SMARCAD1: variants seen among roughly 807,000 people sequenced by gnomAD.
SMARCAD1 encodes the protein SNF2 related chromatin remodeling ATPase with DExD box 1, also known as SWI/SNF-related matrix-associated actin-dependent regulator of chromatin subfamily A containing DEAD/H box 1.
In SMARCAD1, 25 loss-of-function variants were observed where a neutral mutation model predicts 127.1. The ratio of observed to expected loss-of-function variants is 0.20; its 90% confidence interval spans 0.14 to 0.27. SMARCAD1 has a LOEUF of 0.27. Among genes scored for constraint, SMARCAD1 ranks in the 10% least tolerant of loss-of-function variants. The probability of loss-of-function intolerance (pLI) is 1.00; values close to 1 mark genes in which losing one functional copy is unlikely to be tolerated. For missense variants in SMARCAD1, 807 were observed against 1,206.0 expected (o/e 0.67, Z 4.90); for synonymous variants, 400 against 396.9 (o/e 1.01, Z -0.09).
At chr4:94,223,734 ATTTTTTTTTTTTT>A (rs944591007) in intron 2 of SMARCAD1, among the ~76,000 whole-genome samples, 2 of 100,156 alleles carry the variant, frequency 2.0e-5, no homozygotes, top group African/African-American at 7.4e-5. Context: ...CTCCCGGCTA[ATTTTTTTTTTTTT>A]TTTTTTTTTT....
intron 3 of SMARCAD1, among the ~76,000 whole-genome samples, chr4:94,227,440 T>C (rs1307947621): frequency 6.6e-6 from 1 of 152,078 alleles, no homozygotes; most frequent in East Asian, 1.9e-4. Context: ...TAATAACCCA[T>C]CAAAAAATGA....
chr4:94,290,139 AC>A lies in SMARCAD1; in HGVS notation c.*606del. The A allele has an allele frequency of 2.2e-6, 1 of 454,528 alleles. No individual in the cohort carries two copies. The highest frequency in any genetic ancestry group is 2.3e-5 in the Admixed American group (1 of 42,568). The allele number at this position is 454,528 out of a possible 1,614,324, so 28.2% of individuals were successfully genotyped here. A position where few individuals can be genotyped will look rare whatever the true frequency, so the allele number is the denominator to read the frequency against. On this transcript the variant is annotated 3_prime_UTR_variant, in exon 24 of 24. Coordinates refer to ENST00000354268, the MANE Select transcript of SMARCAD1 (RefSeq NM_020159.5). ...GGTCCTCTCAAGTACTTCTGCTGAAACAAATTTATTTGGCTAGGCACTAAGT... is the reference window on the plus strand; with the variant it reads ...GGTCCTCTCAAGTACTTCTGCTGAAAAAATTTATTTGGCTAGGCACTAAGT...
chr4:94,289,117 A>G (rs2126022699), intron 23 of SMARCAD1, among the ~76,000 whole-genome samples: 1 of 152,222 alleles, frequency 6.6e-6, no homozygotes, highest in African/African-American at 2.4e-5. Context: ...TGGGTTTGTT[A>G]TCCTTGTTTT....
intron 3 of SMARCAD1, among the ~76,000 whole-genome samples, chr4:94,228,337 C>T (rs532338065): frequency 1.5e-4 from 23 of 152,260 alleles, no homozygotes; most frequent in Non-Finnish European, 3.2e-4. Flanking sequence ...TATCACTCTT[C>T]GTAAACAGCA....
chr4:94,230,283 ATTTTT>A (rs796727040), intron 3 of SMARCAD1, among the ~76,000 whole-genome samples: 1 of 144,900 alleles, frequency 6.9e-6, no homozygotes, highest in African/African-American at 2.5e-5. Context: ...ACTTTCGTGT[ATTTTT>A]TTTTTTGTTT....
chr4:94,218,138 A>G (rs1457210863), intron 2 of SMARCAD1, among the ~76,000 whole-genome samples: 1 of 152,188 alleles, frequency 6.6e-6, no homozygotes, highest in Non-Finnish European at 1.5e-5. Flanking sequence ...CATTATTAGT[A>G]TGGAGTTGGG....
At chr4:94,210,164 C>T (rs1011241297) in intron 2 of SMARCAD1, among the ~76,000 whole-genome samples, 18 of 152,118 alleles carry the variant, frequency 1.2e-4, no homozygotes, top group African/African-American at 4.3e-4. Flanking sequence ...CTCATTTTCT[C>T]TTTATTGGGA....
Position 94,226,105 on chromosome 4 carries a change from TTA to T in SMARCAD1, c.191-12_191-11del. ...GTTGCTCAAAATATTTTTCTCCTTTTTATTCTCTTGCAGAAGATTCTAGTGTT... is the reference window on the plus strand; with the variant it reads ...GTTGCTCAAAATATTTTTCTCCTTTTTTCTCTTGCAGAAGATTCTAGTGTT... On this transcript the variant is annotated splice_polypyrimidine_tract_variant and intron_variant, in intron 2 of 23. Coordinates refer to ENST00000354268, the MANE Select transcript of SMARCAD1 (RefSeq NM_020159.5). 1 of 1,602,302 alleles carries T rather than the reference TTA, an allele frequency of 6.2e-7. No individual in the cohort carries two copies.
intron 2 of SMARCAD1, among the ~76,000 whole-genome samples, chr4:94,210,271 G>GTTTTCTTAT (rs1404631231): frequency 6.6e-6 from 1 of 152,160 alleles, no homozygotes; most frequent in Non-Finnish European, 1.5e-5. Flanking sequence ...AACTAAGTTT[G>GTTTTCTTAT]TTCTAGGAAT....
chr4:94,249,874 G>A (rs1749018322), intron 7 of SMARCAD1, 119 bp downstream of exon 7: 1 of 672,344 alleles, frequency 1.5e-6, no homozygotes, highest in South Asian at 1.7e-5. Flanking sequence ...CTAATTAAAT[G>A]TTCTCCTTTT....
intron 9 of SMARCAD1, among the ~76,000 whole-genome samples, chr4:94,254,276 G>A (rs180916824): frequency 2.6e-5 from 4 of 152,142 alleles, no homozygotes; most frequent in Admixed American, 6.5e-5. Flanking sequence ...ATTTGCTGAA[G>A]GGCTTTCTTG....
intron 21 of SMARCAD1, among the ~76,000 whole-genome samples, chr4:94,282,579 T>C (rs985087653): frequency 1.3e-5 from 2 of 152,162 alleles, no homozygotes; most frequent in African/African-American, 4.8e-5. Flanking sequence ...AAAGAAGGGA[T>C]TGTCTTAATA....
intron 2 of SMARCAD1, among the ~76,000 whole-genome samples, chr4:94,220,700 C>T (rs1461997685): frequency 6.6e-6 from 1 of 152,154 alleles, no homozygotes; most frequent in African/African-American, 2.4e-5. Context: ...GGTGCAAAAG[C>T]AATCATAGGT....
chr4:94,230,699 C>T (rs1343329279), intron 3 of SMARCAD1, among the ~76,000 whole-genome samples: 1 of 152,094 alleles, frequency 6.6e-6, no homozygotes, highest in Non-Finnish European at 1.5e-5. Context: ...CCCCCTACCC[C>T]AACTTTGAGA....
At chr4:94,214,286 A>G (rs1443285540) in intron 2 of SMARCAD1, among the ~76,000 whole-genome samples, 2 of 142,326 alleles carry the variant, frequency 1.4e-5, no homozygotes, top group East Asian at 2.0e-4. Context: ...TTTTTTTGAG[A>G]CAGTTTCACT....
At chr4:94,280,898 CTT>C in intron 20 of SMARCAD1, 118 bp downstream of exon 20, 2 of 978,894 alleles carry the variant, frequency 2.0e-6, no homozygotes, top group African/African-American at 1.6e-5. Flanking sequence ...TCTTCCAGAA[CTT>C]AGTGTTTTGA....
intron 19 of SMARCAD1, among the ~76,000 whole-genome samples, chr4:94,279,857 C>G (rs1049859933): frequency 1.3e-5 from 2 of 151,736 alleles, no homozygotes; most frequent in African/African-American, 4.8e-5. Flanking sequence ...AACCCATTTT[C>G]TTCCTTTTCT....
intron 11 of SMARCAD1, among the ~76,000 whole-genome samples, chr4:94,272,602 A>G (rs1579306364): frequency 6.6e-6 from 1 of 151,802 alleles, no homozygotes; most frequent in Non-Finnish European, 1.5e-5. Flanking sequence ...ACTCTATACT[A>G]TTTGTTTTTG....
intron 3 of SMARCAD1, among the ~76,000 whole-genome samples, chr4:94,232,483 A>G (rs894412662): frequency 7.9e-5 from 12 of 152,226 alleles, no homozygotes; most frequent in African/African-American, 2.7e-4. Flanking sequence ...TGAAAATTCA[A>G]AGTTGAGTAC....
Sources: allele counts gnomAD v4.1 joint callset (sites outside exome capture counted in the v4.1 genomes callset), GRCh38; gene constraint gnomAD v4.1.1; transcripts MANE v1.5; gene names NCBI Gene and HGNC (gene_info 2026-07-23, HGNC 2026-07-21).